NTMT2: variants seen among roughly 807,000 people sequenced by gnomAD.
NTMT2 encodes X-Pro-Lys N-terminal protein methyltransferase 1B.
Under a neutral mutation model 23.4 loss-of-function variants are expected in NTMT2, and 21 were observed. The ratio of observed to expected loss-of-function variants is 0.90; its 90% CI spans 0.64 to 1.29. NTMT2 has a LOEUF of 1.29. Ranked by LOEUF, NTMT2 falls within the 50% of genes most tolerant of loss-of-function variation. The pLI is 0.00. For synonymous variants in NTMT2, 131 were observed against 127.7 expected, an observed-to-expected ratio of 1.03 and a Z score of -0.17; for missense variants, 336 against 352.0, an observed-to-expected ratio of 0.95 and a Z score of 0.36.
intron 1 of NTMT2, among the ~76,000 whole-genome samples, chr1:170,151,187 C>T (rs1571817398): frequency 6.6e-6 from 1 of 151,948 alleles, no homozygotes; most frequent in South Asian, 2.1e-4. Flanking sequence ...TATTAAGTTA[C>T]CAAGTCTCTC....
intron 1 of NTMT2, among the ~76,000 whole-genome samples, chr1:170,146,529 G>A (rs1176007265): frequency 6.6e-6 from 1 of 152,132 alleles, no homozygotes; most frequent in Non-Finnish European, 1.5e-5. Context: ...TCTGTTGCAT[G>A]AGTATCAGGC....
At chr1:170,151,585 T>C (rs1356322165) in intron 1 of NTMT2, 3 of 152,948 alleles carry the variant, frequency 2.0e-5, no homozygotes, top group East Asian at 2.0e-4. Context: ...TGTACAATGA[T>C]ACATTTTCAA....
intron 3 of NTMT2, among the ~76,000 whole-genome samples, chr1:170,167,160 T>A (rs559201620): frequency 2.7e-4 from 41 of 152,292 alleles, no homozygotes; most frequent in African/African-American, 7.7e-4. Context: ...TTGGGGTGTG[T>A]GTGTGAGACA....
intron 1 of NTMT2, among the ~76,000 whole-genome samples, chr1:170,149,141 TAA>T (rs1252731994): frequency 6.6e-6 from 1 of 152,260 alleles, no homozygotes; most frequent in Non-Finnish European, 1.5e-5. Context: ...CAAATATTAA[TAA>T]GACAGTTTCC....
chr1:170,164,015 G>A (rs1055826268), intron 2 of NTMT2, among the ~76,000 whole-genome samples: 3 of 151,562 alleles, frequency 2.0e-5, no homozygotes, highest in South Asian at 2.1e-4. Flanking sequence ...TGAGCTACTC[G>A]GGATGCTGAG....
intron 1 of NTMT2, among the ~76,000 whole-genome samples, chr1:170,156,968 A>C (rs1404695983): frequency 6.6e-6 from 1 of 152,118 alleles, no homozygotes; most frequent in African/African-American, 2.4e-5. Flanking sequence ...CTTTGGTTGG[A>C]TCAAGAGAGC....
chr1:170,152,037 A>T (rs927558971), intron 1 of NTMT2, among the ~76,000 whole-genome samples: 2 of 152,182 alleles, frequency 1.3e-5, no homozygotes, highest in African/African-American at 4.8e-5. Context: ...CCCTATAACC[A>T]TTCAGCTCTT....
At chr1:170,159,103 CCTTT>C (rs1354596010) in intron 1 of NTMT2, among the ~76,000 whole-genome samples, 1 of 152,036 alleles carries the variant, frequency 6.6e-6, no homozygotes, top group Non-Finnish European at 1.5e-5. Context: ...GATAAGGTTT[CCTTT>C]GTTTTGTACT....
At chr1:170,167,378 A>G in intron 3 of NTMT2, 108 bp from the exon 4 acceptor site, 11 of 1,005,660 alleles carry the variant, frequency 1.1e-5, no homozygotes, top group Middle Eastern at 2.3e-4. Flanking sequence ...TAAATCATGA[A>G]TGAGTGAACA....
chr1:170,157,723 A>G (rs1673192243), intron 1 of NTMT2, among the ~76,000 whole-genome samples: 1 of 152,044 alleles, frequency 6.6e-6, no homozygotes, highest in African/African-American at 2.4e-5. Flanking sequence ...GCTCAAATTT[A>G]TGTCATATTT....
intron 2 of NTMT2, among the ~76,000 whole-genome samples, chr1:170,164,076 C>T (rs903005779): frequency 1.5e-4 from 21 of 139,408 alleles, no homozygotes; most frequent in African/African-American, 5.6e-4. Context: ...GAGCTGAGAT[C>T]GTGCCACTGC....
intron 1 of NTMT2, among the ~76,000 whole-genome samples, chr1:170,148,465 C>G (rs1673010199): frequency 6.6e-6 from 1 of 152,070 alleles, no homozygotes; most frequent in South Asian, 2.1e-4. Context: ...TAGTCTATCC[C>G]AAGCCAACAT....
At position 170,167,923 on chromosome 1, in the gene NTMT2, A is replaced by G. The variant is rs1673430077; in HGVS notation, c.*166A>G. Reference sequence around the variant, plus strand: ...ATATGTACATGTTTTCAGTGATTATATAATGCACACACTCTGATGAGACAT... The same window carrying G: ...ATATGTACATGTTTTCAGTGATTATGTAATGCACACACTCTGATGAGACAT... On this transcript the variant is annotated 3_prime_UTR_variant, in exon 4 of 4. Coordinates refer to ENST00000439373, the MANE Select transcript of NTMT2 (RefSeq NM_001136107.2). 1 of 728,172 alleles carries G rather than the reference A, an allele frequency of 1.4e-6. No homozygotes were observed. The allele number at this position is 728,172 out of a possible 1,614,324, so 45.1% of individuals were successfully genotyped here.
In NTMT2 at chr1:170,167,478, C is replaced by A. The variant is rs1329546430; in HGVS notation, c.581-8C>A. The A allele has an allele frequency of 8.4e-6, 13 of 1,542,150 alleles. No individual in the cohort carries two copies. The Admixed American group carries it at 2.0e-4, about 23-fold the overall frequency. ...CCTGTTCCCCCATCCACTTGGTCTC[C>A]CTTGTAGGGCACCTGACTGATAAGG... On this transcript the variant is annotated splice_region_variant and splice_polypyrimidine_tract_variant and intron_variant, in intron 3 of 3. Transcript: ENST00000439373.
chr1:170,154,089 G>A (rs535124860), intron 1 of NTMT2, among the ~76,000 whole-genome samples: 4 of 152,278 alleles, frequency 2.6e-5, no homozygotes, highest in Non-Finnish European at 4.4e-5. Flanking sequence ...GTACAGCTGA[G>A]GCATCTGCTC....
chr1:170,158,905 T>C (rs1673214809), intron 1 of NTMT2, among the ~76,000 whole-genome samples: 2 of 152,076 alleles, frequency 1.3e-5, no homozygotes, highest in Non-Finnish European at 2.9e-5. Flanking sequence ...CTCATATCTC[T>C]TCAAAGATTT....
intron 1 of NTMT2, among the ~76,000 whole-genome samples, chr1:170,153,067 A>T (rs912461193): frequency 1.3e-5 from 2 of 152,116 alleles, no homozygotes; most frequent in Non-Finnish European, 2.9e-5. Context: ...TTGCCATGTG[A>T]TGTGCTTTTT....
intron 2 of NTMT2, among the ~76,000 whole-genome samples, chr1:170,162,718 A>G (rs896707793): frequency 1.3e-5 from 2 of 152,194 alleles, no homozygotes; most frequent in African/African-American, 2.4e-5. Context: ...AAGAGGTTAA[A>G]TAAGTTGTCA....
In NTMT2 at chr1:170,168,131, G is replaced by GTTTTTTTTTTTTTTT. The variant is rs11385158; in HGVS notation, c.*384_*385insTTTTTTTTTTTTTTT. 6.8e-6 allele frequency among the ~76,000 whole-genome samples: 1 copy of GTTTTTTTTTTTTTTT among 146,020 alleles called. No homozygotes were observed. The highest frequency in any genetic ancestry group is 1.5e-5 in the Non-Finnish European group (1 of 66,474). On this transcript the variant is annotated 3_prime_UTR_variant, in exon 4 of 4. Transcript: ENST00000439373. ...CACAACATCCTAGACAAAAATGGTG[G>GTTTTTTTTTTTTTTT]TTTTTTTTTTGTTTTTCCATCACAA...
Sources: gnomAD v4.1 joint callset for allele counts (sites outside exome capture counted in the v4.1 genomes callset) on GRCh38, gnomAD v4.1.1 for gene constraint, MANE v1.5 for transcripts, NCBI Gene and HGNC (gene_info 2026-07-23, HGNC 2026-07-21) for gene names.